Variants in PDE4D observed in about 807,000 individuals in gnomAD.
The protein encoded by PDE4D is phosphodiesterase 4D.
A neutral mutation model predicts 87.4 loss-of-function variants in PDE4D; 24 were observed. That is an observed-to-expected ratio of 0.27 (90% confidence interval 0.20 to 0.39). The LOEUF is 0.39. PDE4D is among the 10% of genes least tolerant of loss of function. The pLI, the probability that PDE4D is intolerant of heterozygous loss-of-function variation, is 1.00. For missense variants in PDE4D, 714 were observed against 1,041.0 expected (o/e 0.69, Z 4.32); for synonymous variants, 384 against 383.2 (o/e 1.00, Z -0.02).
chr5:59,039,383 G>A (rs1759201810), intron 5 of PDE4D: 2 of 1,019,834 alleles, frequency 2.0e-6, no homozygotes, highest in Non-Finnish European at 2.3e-6. Flanking sequence ...GCAGAGGAGC[G>A]TCTGGTCCAC....
At chr5:59,852,673 T>C (rs1014818219) in intron 1 of PDE4D, among the ~76,000 whole-genome samples, 19 of 152,052 alleles carry the variant, frequency 1.2e-4, no homozygotes, top group Non-Finnish European at 2.5e-4. Flanking sequence ...GTGGGCATAA[T>C]AAAATTTCAT....
At chr5:59,591,971 T>G (rs918625995) in intron 1 of PDE4D, among the ~76,000 whole-genome samples, 1 of 152,166 alleles carries the variant, frequency 6.6e-6, no homozygotes, top group Non-Finnish European at 1.5e-5. Context: ...TTTTCACATG[T>G]GTGTATGTAT....
chr5:60,282,981 A>G (rs528958194), intron 1 of PDE4D, among the ~76,000 whole-genome samples: 1 of 152,288 alleles, frequency 6.6e-6, no homozygotes, highest in East Asian at 1.9e-4. Flanking sequence ...AAAAGAATGT[A>G]TATTCTGCTG....
At chr5:59,218,981 G>A (rs1751865403) in intron 1 of PDE4D, among the ~76,000 whole-genome samples, 1 of 143,070 alleles carries the variant, frequency 7.0e-6, no homozygotes, top group African/African-American at 2.6e-5. Flanking sequence ...ACTCATAGGT[G>A]GGAATTGAAC....
chr5:59,659,126 A>G (rs572150208), intron 1 of PDE4D, among the ~76,000 whole-genome samples: 17 of 152,360 alleles, frequency 1.1e-4, no homozygotes, highest in African/African-American at 4.1e-4. Context: ...CTGGGAAGGG[A>G]TATGTTGAAT....
At chr5:59,694,171 G>T (rs748997004) in intron 1 of PDE4D, among the ~76,000 whole-genome samples, 1 of 152,072 alleles carries the variant, frequency 6.6e-6, no homozygotes, top group Admixed American at 6.6e-5. Flanking sequence ...CTTTTCAAAC[G>T]AAATGAAACA....
chr5:60,020,030 A>G (rs1334313732), intron 2 of PDE4D, among the ~76,000 whole-genome samples: 1 of 152,176 alleles, frequency 6.6e-6, no homozygotes, highest in African/African-American at 2.4e-5. Flanking sequence ...AAAGATTGAA[A>G]ACTCTTGAAC....
intron 1 of PDE4D, among the ~76,000 whole-genome samples, chr5:59,575,508 G>A (rs1422957917): frequency 6.6e-6 from 1 of 152,134 alleles, no homozygotes; most frequent in Non-Finnish European, 1.5e-5. Flanking sequence ...AGATTTTACA[G>A]ATACACCCAG....
chr5:59,027,426 T>C (rs1458089463), intron 6 of PDE4D, among the ~76,000 whole-genome samples: 1 of 152,176 alleles, frequency 6.6e-6, no homozygotes, highest in African/African-American at 2.4e-5. Context: ...ACACTTACGG[T>C]GTAGGGGGTT....
chr5:60,282,238 T>TATATATATATATGTA (rs202140336), intron 1 of PDE4D, among the ~76,000 whole-genome samples: 1 of 140,726 alleles, frequency 7.1e-6, no homozygotes, highest in Admixed American at 7.0e-5. Flanking sequence ...TATATATATA[T>TATATATATATATGTA]TTCTCAAAAT....
chr5:60,484,055 A>G (rs1178488448), intron 1 of PDE4D, among the ~76,000 whole-genome samples: 2 of 152,148 alleles, frequency 1.3e-5, no homozygotes, highest in African/African-American at 4.8e-5. Context: ...TTGATCTTTC[A>G]AATCATTCAG....
chr5:59,817,958 C>G (rs780967650), intron 1 of PDE4D, among the ~76,000 whole-genome samples: 1 of 152,106 alleles, frequency 6.6e-6, no homozygotes, highest in East Asian at 1.9e-4. Flanking sequence ...TGTCAGGTAG[C>G]CCTAAGTGTG....
At chr5:59,762,830 C>G (rs1396011922) in intron 1 of PDE4D, among the ~76,000 whole-genome samples, 8 of 111,584 alleles carry the variant, frequency 7.2e-5, no homozygotes, top group Non-Finnish European at 1.4e-4. Flanking sequence ...ATACTACGTA[C>G]TAAAAAAGAG....
chr5:60,361,465 C>T (rs1162359385), intron 1 of PDE4D, among the ~76,000 whole-genome samples: 2 of 152,106 alleles, frequency 1.3e-5, no homozygotes, highest in Non-Finnish European at 2.9e-5. Flanking sequence ...TGATAATCAG[C>T]TTACCTTCTC....
At chr5:59,786,700 G>A (rs1185146006) in intron 1 of PDE4D, among the ~76,000 whole-genome samples, 1 of 152,182 alleles carries the variant, frequency 6.6e-6, no homozygotes, top group African/African-American at 2.4e-5. Context: ...ACTCATGACT[G>A]GCCTGTTAAC....
chr5:59,284,827 G>C (rs2153550605), intron 1 of PDE4D, among the ~76,000 whole-genome samples: 1 of 50,874 alleles, frequency 2.0e-5, no homozygotes, highest in East Asian at 4.3e-4. Flanking sequence ...GTCCAACAAT[G>C]ATAGACTGGA....
rs1397473968 is a variant in PDE4D at position 59,553,927 on chromosome 5, G to A, written c.456-337959C>T. On this transcript the variant is annotated intron_variant, in intron 1 of 14. Transcript: ENST00000340635. ...ATTAACCAGGAGTATAAAAAATAGAGCAAAGTATATAATACAATAATAGCT... is the reference window on the plus strand; with the variant it reads ...ATTAACCAGGAGTATAAAAAATAGAACAAAGTATATAATACAATAATAGCT... Among the ~76,000 whole-genome samples the A allele has an allele frequency of 8.5e-5, 13 of 152,106 alleles. 1 individual carries two copies. Among genetic ancestry groups the A allele is most frequent in the Admixed American group, 8.5e-4 (13 of 15,236 alleles).
intron 5 of PDE4D, among the ~76,000 whole-genome samples, chr5:59,100,858 T>C (rs1218460994): frequency 6.6e-6 from 1 of 152,194 alleles, no homozygotes. Flanking sequence ...AATATCTCTC[T>C]TTTTGAAAAC....
intron 1 of PDE4D, among the ~76,000 whole-genome samples, chr5:59,503,168 T>C (rs1302285544): frequency 6.6e-6 from 1 of 152,150 alleles, no homozygotes; most frequent in Admixed American, 6.6e-5. Context: ...GTTAATTTCA[T>C]GCTCTGGAGC....
Sources: gnomAD v4.1 joint callset for allele counts (sites outside exome capture counted in the v4.1 genomes callset) on GRCh38, gnomAD v4.1.1 for gene constraint, MANE v1.5 for transcripts, NCBI Gene and HGNC (gene_info 2026-07-23, HGNC 2026-07-21) for gene names.